The following RC3H1 variants were observed in gnomAD, a reference collection of about 807,000 sequenced individuals.
RC3H1 encodes roquin-1.
A neutral mutation model predicts 138.2 loss-of-function variants in RC3H1; 50 were observed. The ratio of observed to expected loss-of-function variants is 0.36; its 90% CI spans 0.29 to 0.46. RC3H1 has a LOEUF of 0.46. RC3H1 is among the 20% of genes least tolerant of loss of function. The probability of loss-of-function intolerance (pLI) is 1.00; values close to 1 mark genes in which losing one functional copy is unlikely to be tolerated. For synonymous variants in RC3H1, 462 were observed against 489.1 expected, an observed-to-expected ratio of 0.94 and a Z score of 0.73; for missense variants, 1,031 against 1,388.1, an observed-to-expected ratio of 0.74 and a Z score of 4.09.
In RC3H1 at chr1:173,952,163, C is replaced by CAA. The variant is rs74263815; in HGVS notation, c.2371-27_2371-26dup. On this transcript the variant is annotated intron_variant, in intron 13 of 19. Transcript: ENST00000367696. Reference sequence around the variant, plus strand: ...ACTACAGATGGAGAAAGAAAAAAAACAAAAAAAAAAAAAAGAGAAAGAAAC... The same window carrying CAA: ...ACTACAGATGGAGAAAGAAAAAAAACAAAAAAAAAAAAAAAAGAGAAAGAAAC... The CAA allele has an allele frequency of 0.012, 11,040 of 939,944 alleles. 457 individuals are homozygous for CAA. The African/African-American group carries it at 0.18, about 15-fold the overall frequency. The allele number at this position is 939,944 out of a possible 1,614,324, so 58.2% of individuals were successfully genotyped here.
chr1:174,016,857 GAAA>G (rs1019902446), intron 1 of RC3H1, among the ~76,000 whole-genome samples: 1 of 141,710 alleles, frequency 7.1e-6, no homozygotes, highest in Admixed American at 7.0e-5. Context: ...ATTCTAGAAA[GAAA>G]AAAAAAAACT....
intron 1 of RC3H1, among the ~76,000 whole-genome samples, chr1:174,010,152 AT>A (rs914282872): frequency 5.3e-5 from 8 of 152,126 alleles, no homozygotes; most frequent in African/African-American, 1.7e-4. Context: ...TAAAAAAAAA[AT>A]CTTCCATAAA....
chr1:173,978,507 T>G lies in RC3H1; in HGVS notation c.1083A>C (p.Ala361=), dbSNP rs142291555. The G allele has an allele frequency of 2.4e-5, 38 of 1,613,946 alleles. No individual in the cohort carries two copies. The African/African-American group carries it at 4.5e-4, about 19-fold the overall frequency. The change falls in exon 7 of 20, where the codon GCA becomes GCC. Residue 361 remains alanine (A), a synonymous_variant. Transcript: ENST00000367696. ...NRLRPHLELL[A]NIDPSPDAPP... ...GTTTACCTGGACTAGGGTCAATGTT[T>G]GCTAACAGCTCCAAATGGGGTCTTA...
At chr1:173,985,346 G>T (rs530735783) in intron 2 of RC3H1, among the ~76,000 whole-genome samples, 1 of 149,048 alleles carries the variant, frequency 6.7e-6, no homozygotes, top group Non-Finnish European at 1.5e-5. Context: ...TTAACCTTTT[G>T]AAAAACTGCC....
At chr1:173,946,932 G>T in intron 15 of RC3H1, 96 bp from the exon 16 acceptor site, 1 of 778,850 alleles carries the variant, frequency 1.3e-6, no homozygotes, top group Non-Finnish European at 2.2e-6. Context: ...TGCATACACA[G>T]GTATCTGGTA....
rs60259705 is a variant in RC3H1 at position 173,950,420 on chromosome 1, C to CAA, written c.2523+1564_2523+1565dup. 4.1e-3 allele frequency among the ~76,000 whole-genome samples: 259 copies of CAA among 63,626 alleles called. 4 individuals carry two copies. Among genetic ancestry groups the CAA allele is most frequent in the Non-Finnish European group, 6.7e-3 (226 of 33,642 alleles). 41.7% of individuals were successfully genotyped at this position (63,626 alleles called of 152,430 possible). On this transcript the variant is annotated intron_variant, in intron 14 of 19. Transcript: ENST00000367696. ...CAACATAGCAAGACCTCATCTCTAC[C>CAA]AAAAAAAAAAAAAAAAAAAAAGAGC...
At chr1:173,993,951 C>T (rs555178606) in intron 1 of RC3H1, among the ~76,000 whole-genome samples, 11 of 126,104 alleles carry the variant, frequency 8.7e-5, no homozygotes, top group East Asian at 5.2e-4. Flanking sequence ...ACCCGGGAGG[C>T]GGAGGTTGTG....
At chr1:173,947,644 T>C (rs1659191485) in intron 14 of RC3H1, 62 bp from the exon 15 acceptor site, 7 of 1,248,690 alleles carry the variant, frequency 5.6e-6, no homozygotes, top group South Asian at 1.2e-5. Context: ...CCTAATTTTT[T>C]CTAGATCTGT....
chr1:173,977,128 G>GCTGGCCAGGATGGTCTCGATCTC (rs747803710), intron 7 of RC3H1, among the ~76,000 whole-genome samples: 38 of 152,026 alleles, frequency 2.5e-4, no homozygotes, highest in Non-Finnish European at 4.6e-4. Context: ...GTTTCATCGT[G>GCTGGCCAGGATGGTCTCGATCTC]CTGGCCAGGA....
At chr1:173,968,165 T>C (rs1025859321) in intron 9 of RC3H1, among the ~76,000 whole-genome samples, 15 of 152,214 alleles carry the variant, frequency 9.9e-5, no homozygotes, top group Non-Finnish European at 1.8e-4. Flanking sequence ...CTAAAGTCTT[T>C]TATTCACTGT....
At chr1:174,014,020 A>G (rs1661815019) in intron 1 of RC3H1, among the ~76,000 whole-genome samples, 1 of 152,240 alleles carries the variant, frequency 6.6e-6, no homozygotes, top group Non-Finnish European at 1.5e-5. Context: ...AGGTAAAACT[A>G]TGACTGTAAA....
intron 13 of RC3H1, among the ~76,000 whole-genome samples, chr1:173,956,569 G>A (rs1175037597): frequency 6.7e-6 from 1 of 149,362 alleles, no homozygotes; most frequent in African/African-American, 2.5e-5. Flanking sequence ...TGAGGCAGAA[G>A]AATCACTTGA....
At chr1:173,969,275 C>A (rs866786952) in intron 9 of RC3H1, 2 of 149,860 alleles carry the variant, frequency 1.3e-5, no homozygotes, top group Non-Finnish European at 3.0e-5. Flanking sequence ...CATCTATTTT[C>A]TTTTCTTTAA....
At chr1:173,977,911 G>C (rs1571214546) in intron 7 of RC3H1, among the ~76,000 whole-genome samples, 1 of 152,170 alleles carries the variant, frequency 6.6e-6, no homozygotes, top group Non-Finnish European at 1.5e-5. Context: ...ATCAGAGACT[G>C]GGAATCTACT....
rs768237140 is a variant in RC3H1, at chr1:173,961,172, T to G, written c.2275A>C (p.Lys759Gln). ...TCCTCTAGCTGGGCCATTATTTCCT[T>G]TCGTCGGCGATGTAGTTCATCTAGA... ...PSLDELHRRR[K>Q]EIMAQLEERK... The change falls in exon 13 of 20, where the codon AAG (lysine) becomes CAG (glutamine). Residue 759 changes from lysine to glutamine, a missense_variant. This residue lies in a region of RC3H1 where 716 missense variants were observed against 837.9 expected (regional missense o/e 0.85). Coordinates refer to ENST00000367696, the MANE Select transcript of RC3H1 (RefSeq NM_172071.4). 3 of 1,614,048 alleles carry G rather than the reference T, an allele frequency of 1.9e-6. No homozygotes were observed. Among genetic ancestry groups the G allele is most frequent in the Non-Finnish European group, 1.7e-6 (2 of 1,180,024 alleles).
At chr1:173,979,080 A>C (rs1660696907) in intron 6 of RC3H1, among the ~76,000 whole-genome samples, 1 of 152,240 alleles carries the variant, frequency 6.6e-6, no homozygotes, top group Admixed American at 6.5e-5. Flanking sequence ...CATCCGTTGC[A>C]AAAGTCACAT....
chr1:174,007,192 A>G (rs998309032), intron 1 of RC3H1, among the ~76,000 whole-genome samples: 1 of 152,116 alleles, frequency 6.6e-6, no homozygotes, highest in Non-Finnish European at 1.5e-5. Flanking sequence ...AATTGAGACC[A>G]TCCTGGCTAA....
chr1:173,943,759 CTCTT>C, intron 17 of RC3H1, 144 bp from the exon 18 acceptor site: 1 of 665,046 alleles, frequency 1.5e-6, no homozygotes, highest in African/African-American at 1.8e-5. Context: ...AGGTGCTGTT[CTCTT>C]TGAGTACCAT....
intron 13 of RC3H1, among the ~76,000 whole-genome samples, chr1:173,954,997 C>T (rs771852213): frequency 4.6e-5 from 7 of 151,790 alleles, no homozygotes; most frequent in East Asian, 1.9e-4. Flanking sequence ...GAGGCTGAGG[C>T]GGGCAGATCA....
Sources: allele counts gnomAD v4.1 joint callset (sites outside exome capture counted in the v4.1 genomes callset), GRCh38; gene constraint gnomAD v4.1.1; regional missense constraint gnomAD v4.1.1; transcripts MANE v1.5; gene names NCBI Gene and HGNC (gene_info 2026-07-23, HGNC 2026-07-21).